MLXIPL: variants seen among roughly 807,000 people sequenced by gnomAD.
The protein encoded by MLXIPL is carbohydrate-responsive element-binding protein.
Under a neutral mutation model 81.5 loss-of-function variants are expected in MLXIPL, and 49 were observed. The ratio of observed to expected loss-of-function variants is 0.60; its 90% CI spans 0.48 to 0.76. The LOEUF (loss-of-function observed/expected upper bound fraction) is 0.76. MLXIPL is among the 30% of genes least tolerant of loss of function. MLXIPL has a pLI of 0.00. For synonymous variants in MLXIPL, 466 were observed against 485.5 expected, an observed-to-expected ratio of 0.96 and a Z score of 0.53; for missense variants, 1,053 against 1,167.0, an observed-to-expected ratio of 0.90 and a Z score of 1.42.
chr7:73,607,811 C>T, intron 2 of MLXIPL, 139 bp from the exon 3 acceptor site: 1 of 662,406 alleles, frequency 1.5e-6, no homozygotes, highest in Non-Finnish European at 2.7e-6. Context: ...CTGCCTCCTC[C>T]AGGAAGTCTT....
intron 1 of MLXIPL, among the ~76,000 whole-genome samples, chr7:73,619,203 G>A (rs918023519): frequency 7.9e-5 from 12 of 152,100 alleles, no homozygotes; most frequent in East Asian, 1.9e-4. Context: ...GCTCATGCCT[G>A]TAATCCCAGC....
Position 73,622,410 on chromosome 7 carries a change from A to G in MLXIPL, c.293+1790T>C, listed in dbSNP as rs191937129. Among the ~76,000 whole-genome samples, 21 of 150,872 alleles carry G rather than the reference A, an allele frequency of 1.4e-4. No individual in the cohort carries two copies. The East Asian group carries it at 4.1e-3, about 30-fold the overall frequency. Reference sequence around the variant, plus strand: ...AGGCTGAGGCAGGAGATTCTCTTGAACCCGGAAGGCAGAGGTTGCAGTGAG... The same window carrying G: ...AGGCTGAGGCAGGAGATTCTCTTGAGCCCGGAAGGCAGAGGTTGCAGTGAG... On this transcript the variant is annotated intron_variant, in intron 1 of 16. Transcript: ENST00000313375.
the MLXIPL span, among the ~76,000 whole-genome samples, chr7:73,641,573 A>G: frequency 2.6e-5 from 4 of 152,108 alleles, no homozygotes; most frequent in Non-Finnish European, 5.9e-5. Context: ...ACTCACACTT[A>G]TGACACCATT....
intron 1 of MLXIPL, among the ~76,000 whole-genome samples, chr7:73,619,334 G>A (rs1348307720): frequency 3.3e-5 from 5 of 152,094 alleles, no homozygotes; most frequent in East Asian, 3.9e-4. Flanking sequence ...GGTGGCAGGC[G>A]TCTGTAGTCC....
chr7:73,627,237 C>T (rs1404556098), upstream of MLXIPL, among the ~76,000 whole-genome samples: 1 of 151,640 alleles, frequency 6.6e-6, no homozygotes, highest in African/African-American at 2.4e-5. Context: ...GAGAGCCATC[C>T]CCAAGTGGCC....
rs548938711 is a variant in MLXIPL at position 73,605,763 on chromosome 7, C to T, written c.826G>A (p.Val276Ile). The change falls in exon 7 of 17, where the codon GTC (valine) becomes ATC (isoleucine). Residue 276 changes from valine to isoleucine, a missense_variant. This residue lies in a region of MLXIPL where 823 missense variants were observed against 933.0 expected (regional missense o/e 0.88). Transcript: ENST00000313375. The stretch of plus-strand genomic sequence containing the variant: ...GGCTGGATCATGTCAGCATTGCCGA[C>T]GTAGGCTGGAGGCAGCAGTGGCGAC... ...PLQLPPEDAY[V>I]GNADMIQPDL... The T allele has an allele frequency of 2.4e-5, 39 of 1,612,896 alleles. No homozygotes were observed. Among genetic ancestry groups the T allele is most frequent in the East Asian group, 1.8e-4 (8 of 44,632 alleles).
intron 2 of MLXIPL, chr7:73,610,196 A>G (rs1795600196): frequency 6.6e-6 from 1 of 152,010 alleles, no homozygotes; most frequent in Admixed American, 6.6e-5. Context: ...GATCTGTGAC[A>G]TTTCTCCCGC....
chr7:73,593,744 C>G lies in MLXIPL; in HGVS notation c.*121G>C, dbSNP rs782394893. The G allele has an allele frequency of 1.2e-5, 11 of 915,652 alleles. No homozygotes were observed. The highest frequency in any genetic ancestry group is 3.3e-5 in the African/African-American group (2 of 61,390). The allele number at this position is 915,652 out of a possible 1,614,324, so 56.7% of individuals were successfully genotyped here. ...GAAACCTGGACCCTGCTCCACCCCC[C>G]AGGGAAGGGCAGAGCCAGGGCCTGG... On this transcript the variant is annotated 3_prime_UTR_variant, in exon 17 of 17. Coordinates refer to ENST00000313375, the MANE Select transcript of MLXIPL (RefSeq NM_032951.3).
At chr7:73,605,618 G>T in intron 7 of MLXIPL, 70 bp downstream of exon 7, 2 of 1,450,410 alleles carry the variant, frequency 1.4e-6, no homozygotes, top group Non-Finnish European at 1.9e-6. Flanking sequence ...GAGGGGCCTG[G>T]GATGGGCTCA....
At chr7:73,644,923 AT>A in the MLXIPL span, among the ~76,000 whole-genome samples, 1 of 152,160 alleles carries the variant, frequency 6.6e-6, no homozygotes. Context: ...CAGGAAGCAT[AT>A]CTCTCGCCCA....
chr7:73,619,522 A>G (rs943037044), intron 1 of MLXIPL, among the ~76,000 whole-genome samples: 23 of 150,716 alleles, frequency 1.5e-4, no homozygotes, highest in Non-Finnish European at 2.8e-4. Flanking sequence ...TCAGCTACTC[A>G]GGAGGCTGCA....
rs1438429385 is a variant in MLXIPL at position 73,593,833 on chromosome 7, G to T, written c.*32C>A. The T allele has an allele frequency of 1.3e-6, 2 of 1,570,704 alleles. No homozygotes were observed. The highest frequency in any genetic ancestry group is 1.1e-5 in the South Asian group (1 of 90,172). On this transcript the variant is annotated 3_prime_UTR_variant, in exon 17 of 17. Coordinates refer to ENST00000313375, the MANE Select transcript of MLXIPL (RefSeq NM_032951.3). ...GTGCCCAGGGAAAGCAGCCCCCAGG[G>T]CAGCTGAGTGAGCAGCAGGGTCTGG...
chr7:73,595,587 C>G, intron 15 of MLXIPL, 50 bp downstream of exon 15: 1 of 1,613,946 alleles, frequency 6.2e-7, no homozygotes, highest in South Asian at 1.1e-5. Flanking sequence ...CCTGGTCTCA[C>G]CCTGCCACAG....
At chr7:73,600,830 G>A (rs1398764853) in intron 7 of MLXIPL, among the ~76,000 whole-genome samples, 3 of 151,898 alleles carry the variant, frequency 2.0e-5, no homozygotes, top group Non-Finnish European at 4.4e-5. Context: ...TTTGGGGTGC[G>A]GGTTGTGTAA....
Position 73,607,422 on chromosome 7 carries a change from T to C in MLXIPL, c.484-2A>G. On this transcript the variant is annotated splice_acceptor_variant, in intron 3 of 16. Transcript: ENST00000313375. LOFTEE classifies it high-confidence loss of function. ...GTAGTTCCCCTCCAGGACCACGGCC[T>C]GGGGTAGGGGCCGGGGGAGGGGGAT... The C allele has an allele frequency of 6.4e-7, 1 of 1,555,250 alleles. No homozygotes were observed. Among genetic ancestry groups the C allele is most frequent in the Non-Finnish European group, 8.7e-7 (1 of 1,148,976 alleles).
At chr7:73,607,756 T>C in intron 2 of MLXIPL, 84 bp from the exon 3 acceptor site, 1 of 1,185,856 alleles carries the variant, frequency 8.4e-7, no homozygotes, top group Non-Finnish European at 1.2e-6. Flanking sequence ...AGTGACACCC[T>C]GCGAAATCCT....
At chr7:73,633,552 C>G in the MLXIPL span, among the ~76,000 whole-genome samples, 1 of 152,042 alleles carries the variant, frequency 6.6e-6, no homozygotes, top group South Asian at 2.1e-4. Flanking sequence ...GACCTGGGCT[C>G]CAGCCATCCT....
intron 8 of MLXIPL, among the ~76,000 whole-genome samples, chr7:73,599,108 G>T (rs1196292562): frequency 6.6e-6 from 1 of 151,094 alleles, no homozygotes; most frequent in Non-Finnish European, 1.5e-5. Flanking sequence ...GGGAATTGAT[G>T]AACCAAAATG....
chr7:73,628,597 G>C (rs1432272006), upstream of MLXIPL, among the ~76,000 whole-genome samples: 1 of 152,164 alleles, frequency 6.6e-6, no homozygotes. Flanking sequence ...CTGGGCCAAA[G>C]TGATCCTCCC....
Sources: allele counts gnomAD v4.1 joint callset (sites outside exome capture counted in the v4.1 genomes callset), GRCh38; gene constraint gnomAD v4.1.1; regional missense constraint gnomAD v4.1.1; transcripts MANE v1.5; gene names NCBI Gene and HGNC (gene_info 2026-07-23, HGNC 2026-07-21).